Variants in CSNK2A1 observed in about 807,000 individuals in gnomAD.
The protein encoded by CSNK2A1 is casein kinase 2 alpha 1.
CSNK2A1 carries 10 observed loss-of-function variants against 62.9 expected under a neutral mutation model. That is an observed-to-expected ratio of 0.16 (90% CI 0.10 to 0.27). The LOEUF (loss-of-function observed/expected upper bound fraction) is 0.27. Ranked by LOEUF, CSNK2A1 falls within the 10% of genes least tolerant of loss-of-function variation. The pLI, the probability that CSNK2A1 is intolerant of heterozygous loss-of-function variation, is 1.00. For synonymous variants in CSNK2A1, 124 were observed against 167.8 expected (o/e 0.74, Z 2.02); for missense variants, 160 against 492.0 (o/e 0.33, Z 6.38).
chr20:513,400 T>G (rs1388008855), intron 2 of CSNK2A1, among the ~76,000 whole-genome samples: 1 of 152,194 alleles, frequency 6.6e-6, no homozygotes. Context: ...AAACATGAAA[T>G]GCATGTAAAT....
At chr20:534,484 A>G (rs2019272349) in intron 1 of CSNK2A1, among the ~76,000 whole-genome samples, 1 of 152,206 alleles carries the variant, frequency 6.6e-6, no homozygotes, top group South Asian at 2.1e-4. Context: ...TACTGAAGGG[A>G]GAAAGGAAGA....
chr20:529,482 A>G (rs2019167173), intron 1 of CSNK2A1, among the ~76,000 whole-genome samples: 1 of 152,168 alleles, frequency 6.6e-6, no homozygotes, highest in Non-Finnish European at 1.5e-5. Context: ...ATGTTGCAGT[A>G]TTGCAGTGCT....
intron 1 of CSNK2A1, among the ~76,000 whole-genome samples, chr20:530,902 T>C (rs951278504): frequency 6.6e-6 from 1 of 152,032 alleles, no homozygotes; most frequent in Non-Finnish European, 1.5e-5. Flanking sequence ...TTGGCCAACA[T>C]GATGAAACCC....
chr20:506,021 GC>G (rs1265410812), intron 3 of CSNK2A1: 2 of 151,676 alleles, frequency 1.3e-5, no homozygotes, highest in African/African-American at 2.4e-5. Flanking sequence ...GACTACAGGC[GC>G]CCACCACCAC....
intron 2 of CSNK2A1, among the ~76,000 whole-genome samples, chr20:515,848 T>C (rs1317490332): frequency 1.3e-5 from 2 of 152,218 alleles, no homozygotes; most frequent in Non-Finnish European, 2.9e-5. Flanking sequence ...AGGGTGTTCC[T>C]AAATACTTCA....
At chr20:498,762 G>A (rs2018398088) in intron 6 of CSNK2A1, 1 of 152,118 alleles carries the variant, frequency 6.6e-6, no homozygotes, top group South Asian at 2.1e-4. Flanking sequence ...TGGATAGACT[G>A]GAATTCTGAG....
intron 2 of CSNK2A1, among the ~76,000 whole-genome samples, chr20:520,982 GA>G (rs374574277): frequency 1.8e-3 from 273 of 150,498 alleles, no homozygotes; most frequent in East Asian, 4.5e-3. Flanking sequence ...CTCTGGGGGG[GA>G]AAAAAAAAGA....
At chr20:518,689 G>T (rs2018877067) in intron 2 of CSNK2A1, among the ~76,000 whole-genome samples, 1 of 149,666 alleles carries the variant, frequency 6.7e-6, no homozygotes. Context: ...TGGGACTACA[G>T]GAGTCCGCCA....
At chr20:532,720 T>C (rs138973599) in intron 1 of CSNK2A1, among the ~76,000 whole-genome samples, 3 of 152,118 alleles carry the variant, frequency 2.0e-5, no homozygotes, top group African/African-American at 4.8e-5. Context: ...TCAAAATCCA[T>C]GCAGCAGGTT....
At position 499,407 on chromosome 20, in the gene CSNK2A1, C is replaced by T. The variant is rs888945156; in HGVS notation, c.316-102G>A. 31 of 1,066,994 alleles carry T rather than the reference C, an allele frequency of 2.9e-5. No individual in the cohort carries two copies. In the African/African-American group the frequency reaches 4.9e-4, roughly 17 times the overall value. 66.1% of individuals were successfully genotyped at this position (1,066,994 alleles called of 1,614,324 possible). On this transcript the variant is annotated intron_variant, in intron 5 of 13. Coordinates refer to ENST00000217244, the MANE Select transcript of CSNK2A1 (RefSeq NM_177559.3). This position sits in a 1 kb window ranked among gnomAD's most constrained non-coding sequence, Gnocchi z 4.2. Reference sequence around the variant, plus strand: ...TGCTGCGTGGTGAAATTTGGCAGTCCTCGCCTCAGTAGTAAGAAACCCTCT... The same window carrying T: ...TGCTGCGTGGTGAAATTTGGCAGTCTTCGCCTCAGTAGTAAGAAACCCTCT...
chr20:531,169 T>G, intron 1 of CSNK2A1, among the ~76,000 whole-genome samples: 1 of 152,036 alleles, frequency 6.6e-6, no homozygotes, highest in East Asian at 1.9e-4. Context: ...GTTACCAAAA[T>G]TAAAAAAAAA....
intron 2 of CSNK2A1, among the ~76,000 whole-genome samples, chr20:525,230 G>C (rs2122622774): frequency 6.6e-6 from 1 of 152,088 alleles, no homozygotes; most frequent in South Asian, 2.1e-4. Flanking sequence ...TATAAACTTA[G>C]GCCAGGTGTG....
intron 2 of CSNK2A1, among the ~76,000 whole-genome samples, chr20:527,519 T>C (rs575485704): frequency 6.6e-6 from 1 of 152,296 alleles, no homozygotes; most frequent in South Asian, 2.1e-4. Flanking sequence ...CCTTCAAGAA[T>C]CAGCAAACTT....
Position 481,234 on chromosome 20 carries a change from G to C in CSNK2A1, c.*2727C>G, listed in dbSNP as rs566208435. 6.6e-6 allele frequency: 1 copy of C among 152,224 alleles called. No homozygotes were observed. The highest frequency in any genetic ancestry group is 2.4e-5 in the African/African-American group (1 of 41,538). The allele number at this position is 152,224 out of a possible 1,614,324, so 9.4% of individuals were successfully genotyped here. ...TACAACCAATAAAGCAAGGTGGGGA[G>C]GGCCTTCTGGCTTCAAACTTAAAAA... is the stretch of plus-strand genomic sequence containing the variant. On this transcript the variant is annotated 3_prime_UTR_variant, in exon 14 of 14. Transcript: ENST00000217244.
At chr20:542,697 C>T (rs766906547) in intron 1 of CSNK2A1, among the ~76,000 whole-genome samples, 4 of 152,218 alleles carry the variant, frequency 2.6e-5, no homozygotes, top group Non-Finnish European at 4.4e-5. Flanking sequence ...TCCCAGAGTG[C>T]TGGGATTACA....
Position 508,667 on chromosome 20 carries a change from A to G in CSNK2A1, c.-109-7T>C. On this transcript the variant is annotated splice_polypyrimidine_tract_variant and splice_region_variant and intron_variant, in intron 2 of 13. Transcript: ENST00000217244. ...CAGACCTGTTTTCTTCAAACTGCAG[A>G]AACAAAATGCACAAAGTCCAAGGAA... The G allele has an allele frequency of 1.1e-6, 1 of 879,176 alleles. No homozygotes were observed. Among genetic ancestry groups the G allele is most frequent in the South Asian group, 1.7e-5 (1 of 59,074 alleles). The allele number at this position is 879,176 out of a possible 1,614,324, so 54.5% of individuals were successfully genotyped here.
At chr20:505,997 C>CCCCT (rs1491218732) in intron 3 of CSNK2A1, 2 of 150,108 alleles carry the variant, frequency 1.3e-5, no homozygotes, top group African/African-American at 2.5e-5. Context: ...GCCTCAGCCT[C>CCCCT]CCCTAGTAGC....
Position 525,377 on chromosome 20 carries a change from G to A in CSNK2A1, c.-110+2556C>T, listed in dbSNP as rs1251707457. Among the ~76,000 whole-genome samples the A allele has an allele frequency of 2.6e-5, 4 of 152,030 alleles. No individual in the cohort carries two copies. In the East Asian group the frequency reaches 7.8e-4, roughly 29 times the overall value. On this transcript the variant is annotated intron_variant, in intron 2 of 13. Coordinates refer to ENST00000217244, the MANE Select transcript of CSNK2A1 (RefSeq NM_177559.3). ...AATAAAAATTTTAAAAATCGGCTGG[G>A]CGCAGTGGCTCACGCCTGTAATCCC...
chr20:515,431 G>A (rs537910091), intron 2 of CSNK2A1, among the ~76,000 whole-genome samples: 129 of 152,344 alleles, frequency 8.5e-4, no homozygotes, highest in Middle Eastern at 3.4e-3. Flanking sequence ...TCAGCTTTAA[G>A]TATCTAACTC....
Sources: allele counts gnomAD v4.1 joint callset (sites outside exome capture counted in the v4.1 genomes callset), GRCh38; gene constraint gnomAD v4.1.1; non-coding constraint Gnocchi (gnomAD v3.1); transcripts MANE v1.5; gene names NCBI Gene and HGNC (gene_info 2026-07-23, HGNC 2026-07-21).